PSMB8: variants seen among roughly 807,000 people sequenced by gnomAD.
The protein encoded by PSMB8 is proteasome subunit beta type-8.
A neutral mutation model predicts 32.3 loss-of-function variants in PSMB8; 20 were observed. The ratio of observed to expected loss-of-function variants is 0.62; its 90% CI spans 0.44 to 0.90. The LOEUF (loss-of-function observed/expected upper bound fraction) is 0.90, where lower values mean the gene tolerates loss of function less well. PSMB8 is among the 40% of genes least tolerant of loss of function. The pLI is 0.00. For synonymous variants in PSMB8, 131 were observed against 135.4 expected (o/e 0.97, Z 0.23); for missense variants, 342 against 365.4 (o/e 0.94, Z 0.52).
upstream of PSMB8, chr6:32,844,276 T>C (rs983524528): frequency 6.2e-7 from 1 of 1,613,416 alleles, no homozygotes; most frequent in Non-Finnish European, 8.5e-7. Flanking sequence ...CAGTAAGAGG[T>C]ACCTCCAGGC....
At chr6:32,841,825 G>C (rs1307076037) in intron 4 of PSMB8, 90 bp from the exon 5 acceptor site, 19 of 1,274,134 alleles carry the variant, frequency 1.5e-5, no homozygotes, top group South Asian at 7.1e-5. Flanking sequence ...GTGAACAAAA[G>C]AATTAATATT....
At chr6:32,841,391 C>G (rs929613028) in intron 5 of PSMB8, 140 bp downstream of exon 5, 46 of 876,154 alleles carry the variant, frequency 5.3e-5, no homozygotes, top group Non-Finnish European at 7.9e-5. Context: ...GCACCCGTCA[C>G]CACGTCCGGC....
rs1325127240 is a variant in PSMB8, at chr6:32,841,727, T to C, written c.546A>G (p.Gly182=). 3 of 1,612,356 alleles carry C rather than the reference T, an allele frequency of 1.9e-6. No individual in the cohort carries two copies. Among genetic ancestry groups the C allele is most frequent in the Non-Finnish European group, 2.5e-6 (3 of 1,179,904 alleles). ...MICGWDKKGP[G]LYYVDEHGTR... ...TCCCATGTTCATCCACGTAGTAGAG[T>C]CCAGGACCCTATAAGATGAAAGATT... Residue 182 remains glycine (G), a synonymous_variant, in exon 5 of 6, where the codon GGA becomes GGG. Transcript: ENST00000374882.
rs753281221 is a variant in PSMB8 at position 32,841,712 on chromosome 6, A to G, written c.561T>C (p.Asp187=). 5.0e-6 allele frequency: 8 copies of G among 1,612,744 alleles called. No homozygotes were observed. The highest frequency in any genetic ancestry group is 6.8e-6 in the Non-Finnish European group (8 of 1,180,018). ...TTCCTGAGAGCCGAGTCCCATGTTCATCCACGTAGTAGAGTCCAGGACCCT... is the reference window on the plus strand; with the variant it reads ...TTCCTGAGAGCCGAGTCCCATGTTCGTCCACGTAGTAGAGTCCAGGACCCT... The part of the protein sequence containing the change: ...DKKGPGLYYV[D]EHGTRLSGNM... Residue 187 remains aspartate, a synonymous_variant, in exon 5 of 6, where the codon GAT becomes GAC. Coordinates refer to ENST00000374882, the MANE Select transcript of PSMB8 (RefSeq NM_148919.4).
rs55745125 is a variant in PSMB8, at chr6:32,841,142, G to A, written c.743-95C>T. The stretch of plus-strand genomic sequence containing the variant: ...TTGAAGGCAGCAACAAGACACATGC[G>A]CAAGCTTAAAACCATATGACTGGGC... On this transcript the variant is annotated intron_variant, in intron 5 of 5. Coordinates refer to ENST00000374882, the MANE Select transcript of PSMB8 (RefSeq NM_148919.4). 4,047 of 1,106,722 alleles carry A rather than the reference G, an allele frequency of 3.7e-3. 181 individuals carry two copies. The East Asian group carries it at 0.077, about 21-fold the overall frequency. The allele number at this position is 1,106,722 out of a possible 1,614,324, so 68.6% of individuals were successfully genotyped here. A position where few individuals can be genotyped will look rare whatever the true frequency, so the allele number is the denominator to read the frequency against.
At position 32,843,013 on chromosome 6, in the gene PSMB8, G is replaced by A. The variant is rs748082671; in HGVS notation, c.224C>T (p.Thr75Met). 40 of 1,612,990 alleles carry A rather than the reference G, an allele frequency of 2.5e-5. No individual in the cohort carries two copies. Among genetic ancestry groups the A allele is most frequent in the Admixed American group, 8.3e-5 (5 of 59,994 alleles). Residue 75 changes from threonine to methionine, a missense_variant, in exon 2 of 6, where the codon ACG (threonine) becomes ATG (methionine). Coordinates refer to ENST00000374882, the MANE Select transcript of PSMB8 (RefSeq NM_148919.4). ...VQIEMAHGTT[T>M]LAFKFQHGVI... ...TCCATGCTGGAACTTGAAGGCGAGC[G>A]TGGTGGTGCCATGGGCCATCTCAAT... is the stretch of plus-strand genomic sequence containing the variant.
At chr6:32,844,071 G>A (rs1770141617), upstream of PSMB8, 1 of 1,578,332 alleles carries the variant, frequency 6.3e-7, no homozygotes, top group South Asian at 1.1e-5. Flanking sequence ...CGAAGGGGAG[G>A]GAACAAGACT....
At chr6:32,842,298 G>C (rs369373691) in intron 3 of PSMB8, 35 bp from the exon 4 acceptor site, 2 of 1,611,660 alleles carry the variant, frequency 1.2e-6, no homozygotes, top group African/African-American at 2.7e-5. Flanking sequence ...GGAAAGAGAG[G>C]TTAGCTCTTT....
chr6:32,843,941 A>C lies in PSMB8; in HGVS notation c.56T>G (p.Leu19Arg), dbSNP rs1327543993. ...APRGQRPESA[L>R]PVAGSGRRSD... Reference sequence around the variant, plus strand: ...GCGACGCCCGCTTCCCGCAACCGGGAGAGCCGATTCCGGCCGCTGCCCTCG... The same window carrying C: ...GCGACGCCCGCTTCCCGCAACCGGGCGAGCCGATTCCGGCCGCTGCCCTCG... The change falls in exon 1 of 6, where the codon CTC (leucine) becomes CGC (arginine). Residue 19 changes from leucine (L) to arginine (R), a missense_variant. By Grantham distance (102) the Leu-to-Arg change is moderately radical (BLOSUM62 -2). Transcript: ENST00000374882. 1 of 1,612,528 alleles carries C rather than the reference A, an allele frequency of 6.2e-7. No individual in the cohort carries two copies. Among genetic ancestry groups the C allele is most frequent in the Non-Finnish European group, 8.5e-7 (1 of 1,179,852 alleles).
chr6:32,843,765 C>T (rs1027587757), intron 1 of PSMB8, 85 bp downstream of exon 1: 2 of 1,558,622 alleles, frequency 1.3e-6, no homozygotes, highest in Admixed American at 1.7e-5. Flanking sequence ...CCCGCGCTCC[C>T]GCTCTCGCCT....
In PSMB8 at chr6:32,842,823, C is replaced by G. The variant is rs55958287; in HGVS notation, c.296-40G>C. ...AGCTTTGGGAGAGAAGGGATGACCC[C>G]ATAGATCCCCCAGTGTGTCCTAAAT... On this transcript the variant is annotated intron_variant, in intron 2 of 5. Transcript: ENST00000374882. The G allele has an allele frequency of 8.7e-6, 14 of 1,608,234 alleles. 1 individual carries two copies. Among genetic ancestry groups the G allele is most frequent in the Non-Finnish European group, 9.4e-6 (11 of 1,175,238 alleles).
rs137937891 is a variant in PSMB8 at position 32,841,640 on chromosome 6, C to T, written c.633G>A (p.Met211Ile). 2.7e-5 allele frequency: 43 copies of T among 1,612,914 alleles called. No individual in the cohort carries two copies. Among genetic ancestry groups the T allele is most frequent in the Middle Eastern group, 3.3e-4 (2 of 6,084 alleles). ...GSGNTYAYGVMDSGYRPNLSP... is the reference protein window; with the variant it reads ...GSGNTYAYGVIDSGYRPNLSP... ...TAAGATTAGGCCGATAGCCACTGTC[C>T]ATGACCCCGTAGGCATAAGTGTTCC... The change falls in exon 5 of 6, where the codon ATG becomes ATA. Residue 211 changes from methionine (M) to isoleucine (I), a missense_variant. Transcript: ENST00000374882.
At chr6:32,842,035 T>C in intron 4 of PSMB8, 99 bp downstream of exon 4, 2 of 1,578,058 alleles carry the variant, frequency 1.3e-6, no homozygotes, top group South Asian at 1.1e-5. Context: ...CTATATGCCA[T>C]GCATCTTGTC....
At chr6:32,841,337 A>G (rs1218305220) in intron 5 of PSMB8, among the ~76,000 whole-genome samples, 194 bp downstream of exon 5, 1 of 152,158 alleles carries the variant, frequency 6.6e-6, no homozygotes, top group Non-Finnish European at 1.5e-5. Context: ...TCCCAGGTTC[A>G]AGTGATTCTC....
intron 1 of PSMB8, 110 bp downstream of exon 1, chr6:32,843,740 C>T (rs762168259): frequency 1.4e-5 from 19 of 1,381,108 alleles, no homozygotes; most frequent in Non-Finnish European, 1.9e-5. Flanking sequence ...CTGAAGGCTA[C>T]CCCCGACCCT....
upstream of PSMB8, chr6:32,844,155 C>T (rs769841095): frequency 1.2e-3 from 1,802 of 1,511,196 alleles, 2 homozygotes; most frequent in Admixed American, 1.9e-3. Context: ...CACTGGGGAC[C>T]GGCTTCTCTG....
upstream of PSMB8, chr6:32,844,309 G>T: frequency 6.2e-7 from 1 of 1,613,932 alleles, no homozygotes; most frequent in South Asian, 1.1e-5. Context: ...TGGAAACAGG[G>T]GTGGGTAGGG....
intron 4 of PSMB8, 182 bp downstream of exon 4, chr6:32,841,952 C>A: frequency 9.5e-7 from 1 of 1,053,524 alleles, no homozygotes. Context: ...GCTTACAAAA[C>A]ACATGCAATG....
chr6:32,841,386 C>T (rs1418971030), intron 5 of PSMB8, 145 bp downstream of exon 5: 12 of 832,076 alleles, frequency 1.4e-5, no homozygotes, highest in Non-Finnish European at 2.2e-5. Flanking sequence ...TACAGGCACC[C>T]GTCACCACGT....
Sources: gnomAD v4.1 joint callset for allele counts (sites outside exome capture counted in the v4.1 genomes callset) on GRCh38, gnomAD v4.1.1 for gene constraint, MANE v1.5 for transcripts, NCBI Gene and HGNC (gene_info 2026-07-23, HGNC 2026-07-21) for gene names.